Variants in GRIK2 observed in about 807,000 individuals in gnomAD.
GRIK2 encodes glutamate receptor ionotropic, kainate 2.
Under a neutral mutation model 100.3 loss-of-function variants are expected in GRIK2, and 32 were observed. The observed-to-expected ratio is 0.32, with a 90% confidence interval of 0.24 to 0.43. The LOEUF is 0.43. Ranked by LOEUF, GRIK2 falls within the 20% of genes least tolerant of loss-of-function variation. The pLI, the probability that GRIK2 is intolerant of heterozygous loss-of-function variation, is 1.00. For missense variants in GRIK2, 843 were observed against 1,114.9 expected, an observed-to-expected ratio of 0.76 and a Z score of 3.47; for synonymous variants, 417 against 389.4, an observed-to-expected ratio of 1.07 and a Z score of -0.83.
intron 14 of GRIK2, among the ~76,000 whole-genome samples, chr6:102,004,450 C>G (rs547172714): frequency 1.3e-5 from 2 of 151,874 alleles, no homozygotes; most frequent in African/African-American, 4.8e-5. Flanking sequence ...CTTTTATGAT[C>G]TGGTCTCATT....
intron 2 of GRIK2, among the ~76,000 whole-genome samples, chr6:101,437,032 A>G (rs1392555765): frequency 6.6e-6 from 1 of 151,230 alleles, no homozygotes; most frequent in African/African-American, 2.4e-5. Flanking sequence ...ATGGATATAT[A>G]TATATATATT....
intron 2 of GRIK2, among the ~76,000 whole-genome samples, chr6:101,581,665 G>A (rs1778105381): frequency 6.6e-6 from 1 of 152,088 alleles, no homozygotes; most frequent in Non-Finnish European, 1.5e-5. Context: ...GATGAAATAA[G>A]AATACTCCAT....
chr6:101,988,151 GCGCGTGCGCGCA>G (rs1794152856), intron 14 of GRIK2, among the ~76,000 whole-genome samples: 1 of 8,634 alleles, frequency 1.2e-4, no homozygotes, highest in Admixed American at 8.5e-4. Flanking sequence ...GCGCGCGCGC[GCGCGTGCGCGCA>G]CATGCAAGAG....
chr6:101,911,986 G>T (rs1788725546), intron 12 of GRIK2, among the ~76,000 whole-genome samples: 1 of 149,962 alleles, frequency 6.7e-6, no homozygotes, highest in Non-Finnish European at 1.5e-5. Context: ...TTTTCAAAAA[G>T]ATAATAAACT....
At chr6:101,603,711 CTGTT>C (rs534720952) in intron 2 of GRIK2, among the ~76,000 whole-genome samples, 58 of 151,538 alleles carry the variant, frequency 3.8e-4, no homozygotes, top group South Asian at 3.7e-3. Flanking sequence ...TTTGTATTCT[CTGTT>C]TGAGTGATGA....
chr6:101,838,389 T>C (rs2128432726), intron 10 of GRIK2, among the ~76,000 whole-genome samples: 1 of 152,246 alleles, frequency 6.6e-6, no homozygotes, highest in East Asian at 1.9e-4. Flanking sequence ...CCACCAAGAT[T>C]CCTTAATCAA....
intron 2 of GRIK2, among the ~76,000 whole-genome samples, chr6:101,590,838 C>T (rs1778608866): frequency 6.6e-6 from 1 of 151,996 alleles, no homozygotes; most frequent in Admixed American, 6.6e-5. Context: ...CATTAACTAT[C>T]TTTTACTAGT....
chr6:101,734,143 A>G lies in GRIK2; in HGVS notation c.951+47790A>G, dbSNP rs558988305. 2.9e-3 allele frequency among the ~76,000 whole-genome samples: 444 copies of G among 152,200 alleles called. 3 individuals carry two copies. Among genetic ancestry groups the G allele is most frequent in the African/African-American group, 0.01 (424 of 41,504 alleles). On this transcript the variant is annotated intron_variant, in intron 7 of 16. Coordinates refer to ENST00000369134, the MANE Select transcript of GRIK2 (RefSeq NM_021956.5). Reference sequence around the variant, plus strand: ...GCAGCACCACACTCTTGTTACCAAAATCTGTATTAGTCAAAGTTCCCCAAA... The same window carrying G: ...GCAGCACCACACTCTTGTTACCAAAGTCTGTATTAGTCAAAGTTCCCCAAA...
intron 4 of GRIK2, among the ~76,000 whole-genome samples, chr6:101,657,265 A>T (rs1769262086): frequency 6.6e-6 from 1 of 152,090 alleles, no homozygotes; most frequent in African/African-American, 2.4e-5. Context: ...GTGAGTTCTC[A>T]CAAGATCTGA....
At chr6:101,894,860 A>G (rs1022636682) in intron 12 of GRIK2, among the ~76,000 whole-genome samples, 4 of 151,670 alleles carry the variant, frequency 2.6e-5, no homozygotes. Context: ...GGTTCTTAGC[A>G]GTTTGATGTA....
intron 16 of GRIK2, among the ~76,000 whole-genome samples, chr6:102,058,471 A>C (rs1234268162): frequency 6.6e-6 from 1 of 151,720 alleles, no homozygotes; most frequent in Non-Finnish European, 1.5e-5. Flanking sequence ...TACAATTCAA[A>C]ATAGTAAATT....
chr6:101,865,199 G>C (rs1471780725), intron 11 of GRIK2, among the ~76,000 whole-genome samples: 1 of 152,154 alleles, frequency 6.6e-6, no homozygotes, highest in Non-Finnish European at 1.5e-5. Flanking sequence ...GAAGTCTGTT[G>C]GAATCTAATT....
At chr6:101,624,446 T>C (rs188661126) in intron 3 of GRIK2, among the ~76,000 whole-genome samples, 1 of 152,318 alleles carries the variant, frequency 6.6e-6, no homozygotes, top group Admixed American at 6.5e-5. Flanking sequence ...ATTTAGATCA[T>C]ATTGATTTTT....
chr6:101,733,783 AC>A (rs1343805763), intron 7 of GRIK2, among the ~76,000 whole-genome samples: 1 of 133,802 alleles, frequency 7.5e-6, no homozygotes, highest in Non-Finnish European at 1.5e-5. Context: ...CTTCTTCAAT[AC>A]TTTGCTTAGA....
In GRIK2 at chr6:101,922,096, C is replaced by CAT. The variant is rs1428922930; in HGVS notation, c.1749-2505_1749-2504insAT. Among the ~76,000 whole-genome samples the CAT allele has an allele frequency of 5.8e-3, 116 of 19,940 alleles. 4 individuals are homozygous for CAT. Among genetic ancestry groups the CAT allele is most frequent in the South Asian group, 8.9e-3 (6 of 676 alleles). The allele number at this position is 19,940 out of a possible 152,430, so 13.1% of individuals were successfully genotyped here. A position where few individuals can be genotyped will look rare whatever the true frequency, so the allele number is the denominator to read the frequency against. ...CTCCATTTCCTTCCTTCCTTCCTTC[C>CAT]TTCCTTCCTTCCTTCCTTCCTTCCT... On this transcript the variant is annotated intron_variant, in intron 12 of 16. Coordinates refer to ENST00000369134, the MANE Select transcript of GRIK2 (RefSeq NM_021956.5).
At chr6:101,940,778 T>G (rs1353398701) in intron 14 of GRIK2, among the ~76,000 whole-genome samples, 2 of 152,200 alleles carry the variant, frequency 1.3e-5, no homozygotes, top group Non-Finnish European at 2.9e-5. Context: ...AGATTTTTAT[T>G]TTCTTATGGC....
At chr6:101,476,931 A>G (rs1772264686) in intron 2 of GRIK2, among the ~76,000 whole-genome samples, 2 of 152,196 alleles carry the variant, frequency 1.3e-5, no homozygotes, top group Non-Finnish European at 2.9e-5. Flanking sequence ...AAGAACCTAT[A>G]CTATTAAAAT....
chr6:101,611,801 T>G (rs550573460), intron 2 of GRIK2, among the ~76,000 whole-genome samples: 1 of 151,970 alleles, frequency 6.6e-6, no homozygotes, highest in Non-Finnish European at 1.5e-5. Context: ...TACTTATTTA[T>G]TTTTCCATGG....
chr6:102,027,449 G>A (rs190331682), intron 14 of GRIK2, among the ~76,000 whole-genome samples: 48 of 151,266 alleles, frequency 3.2e-4, no homozygotes, highest in Non-Finnish European at 5.9e-4. Flanking sequence ...TATTTTGGGT[G>A]TTGTACCACC....
Sources: allele counts gnomAD v4.1 joint callset (sites outside exome capture counted in the v4.1 genomes callset), GRCh38; gene constraint gnomAD v4.1.1; transcripts MANE v1.5; gene names NCBI Gene and HGNC (gene_info 2026-07-23, HGNC 2026-07-21).